The following RTTN variants were observed in gnomAD, a reference collection of about 807,000 sequenced individuals.
RTTN encodes rotatin.
A neutral mutation model predicts 269.2 loss-of-function variants in RTTN; 182 were observed. The ratio of observed to expected loss-of-function variants is 0.68; its 90% CI spans 0.60 to 0.76. The LOEUF (loss-of-function observed/expected upper bound fraction) is 0.76. Among genes scored for constraint, RTTN ranks in the 30% least tolerant of loss-of-function variants. RTTN has a pLI of 0.00. For synonymous variants in RTTN, 1,006 were observed against 963.5 expected, an observed-to-expected ratio of 1.04 and a Z score of -0.82; for missense variants, 2,545 against 2,608.6, an observed-to-expected ratio of 0.98 and a Z score of 0.53.
chr18:70,184,758 G>GTGTGTGT (rs34527835), intron 10 of RTTN, among the ~76,000 whole-genome samples: 12 of 119,296 alleles, frequency 1.0e-4, no homozygotes, highest in East Asian at 2.6e-4. Context: ...GTGTGTGTGT[G>GTGTGTGT]GTGGCGGGCG....
At position 70,073,903 on chromosome 18, in the gene RTTN, T is replaced by G. The variant is rs754986087; in HGVS notation, c.4653+3A>C. 2 of 1,605,490 alleles carry G rather than the reference T, an allele frequency of 1.2e-6. No homozygotes were observed. The highest frequency in any genetic ancestry group is 3.3e-5 in the Admixed American group (2 of 59,798). On this transcript the variant is annotated splice_donor_region_variant and intron_variant, in intron 34 of 48. Transcript: ENST00000640769. ...AAAGGACTTATGCATTCTTTGCAAG[T>G]ACCGTTGTTTCTGAGGTGGAGAGAG...
At position 70,048,053 on chromosome 18, in the gene RTTN, C is replaced by T. The variant is rs1303841144; in HGVS notation, c.5459G>A (p.Cys1820Tyr). ...LQAKSKTHLC[C>Y]SPTVASLLDD... ...AAGAAGTGAAGCCACTGTTGGACTA[C>T]AGCATAAATGTGTTTTGCTCTTAGC... Residue 1820 changes from cysteine (C) to tyrosine (Y), a missense_variant, in exon 40 of 49, where the codon TGT (cysteine) becomes TAT (tyrosine). Physicochemically the swap from Cys to Tyr is radical, Grantham distance 194. Transcript: ENST00000640769. The T allele has an allele frequency of 2.5e-5, 40 of 1,614,128 alleles. No individual in the cohort carries two copies. Among genetic ancestry groups the T allele is most frequent in the Non-Finnish European group, 3.1e-5 (37 of 1,179,968 alleles).
intron 14 of RTTN, among the ~76,000 whole-genome samples, chr18:70,162,696 C>A (rs921521031): frequency 2.0e-5 from 3 of 151,902 alleles, no homozygotes; most frequent in Admixed American, 2.0e-4. Context: ...TACAGAATTA[C>A]AATTCAAGAT....
Position 70,197,606 on chromosome 18 carries a change from A to G in RTTN, c.693+18T>C, listed in dbSNP as rs1393051980. The G allele has an allele frequency of 2.0e-6, 3 of 1,498,034 alleles. No individual in the cohort carries two copies. The highest frequency in any genetic ancestry group is 1.9e-6 in the Non-Finnish European group (2 of 1,074,586). 92.8% of individuals were successfully genotyped at this position (1,498,034 alleles called of 1,614,324 possible). A position where few individuals can be genotyped will look rare whatever the true frequency, so the allele number is the denominator to read the frequency against. ...GTTCTCTAGTTCAAAATCTAAAACA[A>G]TTATAGAGGGCACTGACCTGAACAA... On this transcript the variant is annotated intron_variant, in intron 6 of 48. Transcript: ENST00000640769.
rs765498841 is a variant in RTTN at position 70,086,736 on chromosome 18, T to A, written c.4303-52A>T. 60 of 1,375,540 alleles carry A rather than the reference T, an allele frequency of 4.4e-5. 1 individual carries two copies. The African/African-American group carries it at 8.0e-4, about 18-fold the overall frequency. The allele number at this position is 1,375,540 out of a possible 1,614,324, so 85.2% of individuals were successfully genotyped here. A position where few individuals can be genotyped will look rare whatever the true frequency, so the allele number is the denominator to read the frequency against. Reference sequence around the variant, plus strand: ...AAAAAAAAAAAAAAAAAAAAAAAGGTCAATACTGCCATCTTGTGGTCATCT... The same window carrying A: ...AAAAAAAAAAAAAAAAAAAAAAAGGACAATACTGCCATCTTGTGGTCATCT... On this transcript the variant is annotated intron_variant, in intron 31 of 48. Transcript: ENST00000640769.
At chr18:70,191,806 C>T (rs955171538) in intron 8 of RTTN, among the ~76,000 whole-genome samples, 2 of 152,080 alleles carry the variant, frequency 1.3e-5, no homozygotes, top group African/African-American at 4.8e-5. Context: ...TACCAAGCAC[C>T]CCAAAATATG....
chr18:70,125,319 A>G (rs2059837877), intron 25 of RTTN, among the ~76,000 whole-genome samples: 1 of 152,012 alleles, frequency 6.6e-6, no homozygotes, highest in African/African-American at 2.4e-5. Flanking sequence ...TTTTTTAGTA[A>G]AAAATTAAAT....
chr18:70,158,898 A>C (rs905127934), intron 14 of RTTN, among the ~76,000 whole-genome samples: 1 of 44,034 alleles, frequency 2.3e-5, no homozygotes, highest in Non-Finnish European at 1.3e-4. Context: ...AGATTTAACT[A>C]TCCTAAATAT....
chr18:70,033,840 C>T (rs1274066228), intron 40 of RTTN, among the ~76,000 whole-genome samples: 3 of 35,618 alleles, frequency 8.4e-5, no homozygotes, highest in South Asian at 2.1e-3. Flanking sequence ...AATGAAGAAA[C>T]GAGAAAAGAT....
chr18:70,132,157 TG>T (rs2060014151), intron 23 of RTTN, among the ~76,000 whole-genome samples: 1 of 152,090 alleles, frequency 6.6e-6, no homozygotes, highest in African/African-American at 2.4e-5. Context: ...CTAAATTACA[TG>T]GCCTCAAAAT....
At chr18:70,150,759 T>C (rs758750161) in intron 14 of RTTN, 26 bp from the exon 15 acceptor site, 12 of 1,517,714 alleles carry the variant, frequency 7.9e-6, no homozygotes, top group Non-Finnish European at 1.1e-5. Flanking sequence ...AAAAAGTATT[T>C]TTAAATTAGC....
intron 44 of RTTN, among the ~76,000 whole-genome samples, chr18:70,023,094 A>T (rs889196297): frequency 6.6e-6 from 1 of 152,150 alleles, no homozygotes; most frequent in Non-Finnish European, 1.5e-5. Context: ...ATAAGAGACT[A>T]TAACTTCTGC....
intron 19 of RTTN, 144 bp from the exon 20 acceptor site, chr18:70,140,332 CT>C: frequency 1.8e-6 from 1 of 558,926 alleles, no homozygotes; most frequent in South Asian, 2.3e-5. Flanking sequence ...GAGTATGAAA[CT>C]TTTAACTTTT....
intron 44 of RTTN, among the ~76,000 whole-genome samples, chr18:70,021,924 T>C (rs1374695136): frequency 6.6e-6 from 1 of 152,148 alleles, no homozygotes; most frequent in Non-Finnish European, 1.5e-5. Context: ...TGTATAACCT[T>C]TGATATTCAG....
chr18:70,149,067 T>C, intron 16 of RTTN, 30 bp from the exon 17 acceptor site: 1 of 1,596,346 alleles, frequency 6.3e-7, no homozygotes, highest in Non-Finnish European at 8.6e-7. Context: ...AGAGAAATTA[T>C]TGTCTAATTG....
At chr18:70,068,160 A>C (rs1193940209) in intron 34 of RTTN, among the ~76,000 whole-genome samples, 1 of 152,220 alleles carries the variant, frequency 6.6e-6, no homozygotes, top group Non-Finnish European at 1.5e-5. Flanking sequence ...TTGCTTGTTT[A>C]GATATAATCT....
In RTTN at chr18:70,075,390, G is replaced by C. The variant is rs2058400959; in HGVS notation, c.4526C>G (p.Ser1509Cys). 1.3e-6 allele frequency: 2 copies of C among 1,586,492 alleles called. No homozygotes were observed. Among genetic ancestry groups the C allele is most frequent in the Admixed American group, 3.7e-5 (2 of 54,610 alleles). The change falls in exon 33 of 49, where the codon TCT becomes TGT. Residue 1509 changes from serine to cysteine, a missense_variant. Coordinates refer to ENST00000640769, the MANE Select transcript of RTTN (RefSeq NM_173630.4). ...GCTTTCTGAATTTCTATCAAAAGCAGAAAAATTCAAATCAAACATACACCG... is the reference window on the plus strand; with the variant it reads ...GCTTTCTGAATTTCTATCAAAAGCACAAAAATTCAAATCAAACATACACCG... The part of the protein sequence containing the change: ...LGRCMFDLNF[S>C]AFDRNSESND...
chr18:70,155,674 C>T (rs138864837), intron 14 of RTTN, among the ~76,000 whole-genome samples: 1,907 of 152,330 alleles, frequency 0.013, 18 homozygotes, highest in Non-Finnish European at 0.02. Context: ...CCCAGAGGGT[C>T]TGGCGCAGTA....
At chr18:70,072,009 A>G (rs1171225878) in intron 34 of RTTN, among the ~76,000 whole-genome samples, 3 of 152,196 alleles carry the variant, frequency 2.0e-5, no homozygotes, top group Non-Finnish European at 4.4e-5. Flanking sequence ...ATTTTTTTAT[A>G]CATAAGAAAG....
Sources: gnomAD v4.1 joint callset for allele counts (sites outside exome capture counted in the v4.1 genomes callset) on GRCh38, gnomAD v4.1.1 for gene constraint, MANE v1.5 for transcripts, NCBI Gene and HGNC (gene_info 2026-07-23, HGNC 2026-07-21) for gene names.